The following ITGAV variants were observed in gnomAD, a reference collection of about 807,000 sequenced individuals.
ITGAV encodes the protein integrin alpha-V.
In ITGAV, 76 loss-of-function variants were observed where a neutral mutation model predicts 143.8. The observed-to-expected ratio is 0.53, with a 90% CI of 0.44 to 0.64. The LOEUF is 0.64. ITGAV is among the 30% of genes least tolerant of loss of function. The probability of loss-of-function intolerance (pLI) is 0.00; values close to 1 mark genes in which losing one functional copy is unlikely to be tolerated. For synonymous variants in ITGAV, 453 were observed against 446.7 expected, an observed-to-expected ratio of 1.01 and a Z score of -0.18; for missense variants, 1,193 against 1,274.7, an observed-to-expected ratio of 0.94 and a Z score of 0.98.
chr2:186,649,869 C>CTCGGTGGTCGCCGTATCATTAAAAAAT lies in ITGAV; in HGVS notation c.1381_1382insTCGGTGGTCGCCGTATCATTAAAAAAT (p.Arg461delinsLeuGlyGlyArgArgIleIleLysLysTer). 6.4e-7 allele frequency: 1 copy of CTCGGTGGTCGCCGTATCATTAAAAAAT among 1,568,660 alleles called. No individual in the cohort carries two copies. Among genetic ancestry groups the CTCGGTGGTCGCCGTATCATTAAAAAAT allele is most frequent in the Non-Finnish European group, 8.6e-7 (1 of 1,157,234 alleles). Reference sequence around the variant, plus strand: ...AATTGTAGGAGCTTTTGGTGTAGATCGAGCTATCTTATACAGGTGAGCATT... The same window carrying CTCGGTGGTCGCCGTATCATTAAAAAAT: ...AATTGTAGGAGCTTTTGGTGTAGATCTCGGTGGTCGCCGTATCATTAAAAAATGAGCTATCTTATACAGGTGAGCATT... On this transcript the variant is annotated stop_gained and protein_altering_variant, in exon 14 of 30. Coordinates refer to ENST00000261023, the MANE Select transcript of ITGAV (RefSeq NM_002210.5). LOFTEE classifies it high-confidence loss of function.
chr2:186,649,551 A>G (rs1200457509), intron 13 of ITGAV, among the ~76,000 whole-genome samples: 1 of 152,166 alleles, frequency 6.6e-6, no homozygotes, highest in African/African-American at 2.4e-5. Flanking sequence ...CTTTGGCAGT[A>G]TGTATGTTTG....
At chr2:186,606,428 C>T (rs1687067034) in intron 2 of ITGAV, among the ~76,000 whole-genome samples, 1 of 152,116 alleles carries the variant, frequency 6.6e-6, no homozygotes, top group Non-Finnish European at 1.5e-5. Context: ...TGGATTACAT[C>T]GCATGAGTTA....
At chr2:186,596,702 G>A (rs1226496569) in intron 1 of ITGAV, among the ~76,000 whole-genome samples, 1 of 151,878 alleles carries the variant, frequency 6.6e-6, no homozygotes, top group African/African-American at 2.4e-5. Context: ...CCTGGCCTGT[G>A]TTGCTTTTTA....
intron 6 of ITGAV, among the ~76,000 whole-genome samples, chr2:186,635,311 T>G (rs61765165): frequency 0.012 from 1,805 of 152,298 alleles, 37 homozygotes; most frequent in African/African-American, 0.041. Context: ...TAATGAATTT[T>G]CCTCTGTTCT....
chr2:186,597,103 G>C (rs1686768362), intron 1 of ITGAV, among the ~76,000 whole-genome samples: 1 of 152,218 alleles, frequency 6.6e-6, no homozygotes, highest in African/African-American at 2.4e-5. Context: ...ATAATGTGCA[G>C]ATAGCCTGAT....
At chr2:186,636,629 C>T (rs569783561) in intron 7 of ITGAV, among the ~76,000 whole-genome samples, 16 of 152,304 alleles carry the variant, frequency 1.1e-4, no homozygotes, top group African/African-American at 3.6e-4. Flanking sequence ...CAAATGGAGA[C>T]AGTCTAACTC....
chr2:186,622,284 GT>G, intron 2 of ITGAV, 54 bp from the exon 3 acceptor site: 2 of 1,197,946 alleles, frequency 1.7e-6, no homozygotes, highest in Non-Finnish European at 2.5e-6. Flanking sequence ...AAAATAAACT[GT>G]TATATTAAGA....
Position 186,646,727 on chromosome 2 carries a change from G to A in ITGAV, c.1201G>A (p.Gly401Arg), listed in dbSNP as rs1171573467. The A allele has an allele frequency of 6.2e-7, 1 of 1,603,726 alleles. No homozygotes were observed. Among genetic ancestry groups the A allele is most frequent in the Admixed American group, 1.7e-5 (1 of 59,356 alleles). The change falls in exon 13 of 30, where the codon GGA becomes AGA. Residue 401 changes from glycine (G) to arginine (R), a missense_variant. Gly to Arg is a moderately radical substitution (Grantham distance 125, BLOSUM62 -2). Transcript: ENST00000261023. ...TCCATATGGGGGTGAAGATAAAAAAGGAATTGTTTATATCTTCAATGGAAG... is the reference window on the plus strand; with the variant it reads ...TCCATATGGGGGTGAAGATAAAAAAAGAATTGTTTATATCTTCAATGGAAG... ...AAPYGGEDKKGIVYIFNGRST... is the reference protein window; with the variant it reads ...AAPYGGEDKKRIVYIFNGRST...
intron 4 of ITGAV, among the ~76,000 whole-genome samples, chr2:186,628,199 A>G (rs1290699933): frequency 6.6e-6 from 1 of 152,178 alleles, no homozygotes; most frequent in African/African-American, 2.4e-5. Context: ...AATTATGCAA[A>G]CGAATAATTG....
chr2:186,629,874 T>C (rs780567678), intron 4 of ITGAV, among the ~76,000 whole-genome samples: 1 of 152,118 alleles, frequency 6.6e-6, no homozygotes, highest in Non-Finnish European at 1.5e-5. Context: ...TTCAGATTCA[T>C]CCTTACATGT....
At position 186,679,297 on chromosome 2, in the gene ITGAV, A is replaced by C. The variant is rs199982506; in HGVS notation, c.*2005A>C. ...TTGTGCCATCTATTCCTTTTATGGC[A>C]TCTATCTTGAAAGTAATCTTGTATT... On this transcript the variant is annotated 3_prime_UTR_variant, in exon 30 of 30. Transcript: ENST00000261023. 6.6e-6 allele frequency: 1 copy of C among 152,138 alleles called. No homozygotes were observed. The highest frequency in any genetic ancestry group is 2.1e-4 in the South Asian group (1 of 4,830). 9.4% of individuals were successfully genotyped at this position (152,138 alleles called of 1,614,324 possible).
At chr2:186,641,709 TGTAA>T (rs1247828772) in intron 12 of ITGAV, 121 bp downstream of exon 12, 22 of 749,682 alleles carry the variant, frequency 2.9e-5, no homozygotes, top group East Asian at 2.3e-4. Flanking sequence ...GTGGATTGTG[TGTAA>T]GTGAGTAACA....
chr2:186,616,280 T>G (rs1027572852), intron 2 of ITGAV, among the ~76,000 whole-genome samples: 3 of 141,060 alleles, frequency 2.1e-5, no homozygotes, highest in Admixed American at 1.4e-4. Context: ...CTTATTTTTT[T>G]TTTTTTTTTT....
intron 17 of ITGAV, among the ~76,000 whole-genome samples, chr2:186,658,053 G>A (rs1688639809): frequency 6.6e-6 from 1 of 152,068 alleles, no homozygotes; most frequent in Non-Finnish European, 1.5e-5. Flanking sequence ...TTTCATTCTA[G>A]TCTTACAATA....
intron 17 of ITGAV, 23 bp from the exon 18 acceptor site, chr2:186,659,015 A>C: frequency 6.3e-7 from 1 of 1,595,014 alleles, no homozygotes; most frequent in Non-Finnish European, 8.6e-7. Flanking sequence ...GTTATCATTA[A>C]TTCAAAGCGT....
At chr2:186,656,124 AAATT>A in intron 16 of ITGAV, 119 bp from the exon 17 acceptor site, 1 of 592,982 alleles carries the variant, frequency 1.7e-6, no homozygotes, top group Non-Finnish European at 2.9e-6. Flanking sequence ...ATGACATTTT[AAATT>A]AATTAGAAGC....
chr2:186,623,512 C>T (rs1457128244), intron 3 of ITGAV, among the ~76,000 whole-genome samples: 2 of 152,094 alleles, frequency 1.3e-5, no homozygotes, highest in African/African-American at 4.8e-5. Context: ...TATTTAGCTT[C>T]CTTTGCTTCC....
Position 186,598,644 on chromosome 2 carries a change from G to A in ITGAV, c.186-3377G>A, listed in dbSNP as rs61763618. Among the ~76,000 whole-genome samples the A allele has an allele frequency of 4.4e-3, 666 of 152,142 alleles. 4 individuals carry two copies. Among genetic ancestry groups the A allele is most frequent in the South Asian group, 0.022 (106 of 4,816 alleles). The stretch of plus-strand genomic sequence containing the variant: ...GTAGAGATGGGGTTTTGCCATGTTG[G>A]TCTCAAACTCCTGACCTCAAGTGAT... On this transcript the variant is annotated intron_variant, in intron 1 of 29. Transcript: ENST00000261023.
At chr2:186,661,584 T>C (rs1370380755) in intron 18 of ITGAV, among the ~76,000 whole-genome samples, 1 of 108,272 alleles carries the variant, frequency 9.2e-6, no homozygotes, top group East Asian at 5.7e-4. Flanking sequence ...ACACATTAAG[T>C]TTTTTTTGTT....
Sources: allele counts gnomAD v4.1 joint callset (sites outside exome capture counted in the v4.1 genomes callset), GRCh38; gene constraint gnomAD v4.1.1; transcripts MANE v1.5; gene names NCBI Gene and HGNC (gene_info 2026-07-23, HGNC 2026-07-21).